SELENOF: variants seen among roughly 807,000 people sequenced by gnomAD.
SELENOF encodes 15 kDa selenoprotein.
Under a neutral mutation model 20.5 loss-of-function variants are expected in SELENOF, and 16 were observed. That is an observed-to-expected ratio of 0.78 (90% CI 0.53 to 1.19). SELENOF has a LOEUF of 1.19. Ranked by LOEUF, SELENOF falls within the 50% of genes most tolerant of loss-of-function variation. The pLI is 0.00. For synonymous variants in SELENOF, 78 were observed against 74.5 expected, an observed-to-expected ratio of 1.05 and a Z score of -0.24; for missense variants, 215 against 194.2, an observed-to-expected ratio of 1.11 and a Z score of -0.64.
chr1:86,913,757 T>G, intron 1 of SELENOF: 1 of 419,864 alleles, frequency 2.4e-6, no homozygotes, highest in Non-Finnish European at 4.4e-6. Flanking sequence ...CCACCTGGTG[T>G]GGTTTACAGA....
intron 3 of SELENOF, among the ~76,000 whole-genome samples, chr1:86,875,877 T>G (rs969931480): frequency 2.0e-5 from 3 of 152,222 alleles, no homozygotes; most frequent in Non-Finnish European, 4.4e-5. Flanking sequence ...ATATTCAGTG[T>G]GTGCAAACAC....
chr1:86,911,197 G>C (rs1659971077), intron 1 of SELENOF, among the ~76,000 whole-genome samples: 1 of 152,228 alleles, frequency 6.6e-6, no homozygotes, highest in Non-Finnish European at 1.5e-5. Flanking sequence ...AAACTTGAGG[G>C]ATAGCGAAGC....
intron 2 of SELENOF, among the ~76,000 whole-genome samples, chr1:86,902,051 T>G (rs1659716999): frequency 1.3e-5 from 2 of 152,190 alleles, no homozygotes; most frequent in African/African-American, 4.8e-5. Flanking sequence ...TACAGATTTA[T>G]TCAGCAATTT....
At chr1:86,906,432 G>T (rs988624579) in intron 1 of SELENOF, among the ~76,000 whole-genome samples, 20 of 152,234 alleles carry the variant, frequency 1.3e-4, no homozygotes, top group Non-Finnish European at 7.3e-5. Context: ...CCTCCACTGA[G>T]AAGTGGGGTC....
intron 2 of SELENOF, among the ~76,000 whole-genome samples, chr1:86,890,227 G>A (rs1159548326): frequency 6.6e-6 from 1 of 152,004 alleles, no homozygotes; most frequent in African/African-American, 2.4e-5. Flanking sequence ...CGAGAGAAAA[G>A]GCCTTCTCTC....
chr1:86,892,726 T>C (rs1370128460), intron 2 of SELENOF, among the ~76,000 whole-genome samples: 1 of 152,218 alleles, frequency 6.6e-6, no homozygotes, highest in Non-Finnish European at 1.5e-5. Context: ...TAAAATATTA[T>C]CTGGCTGGGC....
rs78778590 is a variant in SELENOF at position 86,872,173 on chromosome 1, C to T, written c.317-4071G>A. On this transcript the variant is annotated intron_variant, in intron 3 of 4. Coordinates refer to ENST00000331835, the MANE Select transcript of SELENOF (RefSeq NM_004261.5). ...GTTTAGTGAGTATTAACCACATAAACGCAAATATTTATTCCGTATTTTCCT... is the reference window on the plus strand; with the variant it reads ...GTTTAGTGAGTATTAACCACATAAATGCAAATATTTATTCCGTATTTTCCT... Among the ~76,000 whole-genome samples the T allele has an allele frequency of 8.8e-4, 134 of 152,158 alleles. 3 individuals carry two copies. In the East Asian group the frequency reaches 0.018, roughly 21 times the overall value.
intron 3 of SELENOF, among the ~76,000 whole-genome samples, chr1:86,873,061 A>G (rs1658823458): frequency 3.8e-5 from 3 of 79,012 alleles, no homozygotes; most frequent in Admixed American, 3.1e-4. Flanking sequence ...ATAAATAAAT[A>G]AATAAATAAA....
At chr1:86,876,474 G>C (rs554213) in intron 3 of SELENOF, among the ~76,000 whole-genome samples, 1 of 152,032 alleles carries the variant, frequency 6.6e-6, no homozygotes, top group South Asian at 2.1e-4. Flanking sequence ...TTATAGAATT[G>C]TACTCTGTAT....
Position 86,891,113 on chromosome 1 carries a change from G to C in SELENOF, c.253-10388C>G, listed in dbSNP as rs966783836. On this transcript the variant is annotated intron_variant, in intron 2 of 4. Coordinates refer to ENST00000331835, the MANE Select transcript of SELENOF (RefSeq NM_004261.5). ...TGCCCAGGCTGGAGTGCAATGGCAA[G>C]ATCTCAGCTCACTGCAACCTCTACC... is the stretch of plus-strand genomic sequence containing the variant. Among the ~76,000 whole-genome samples the C allele has an allele frequency of 6.7e-5, 10 of 149,440 alleles. No homozygotes were observed. In the South Asian group the frequency reaches 1.9e-3, roughly 28 times the overall value.
intron 3 of SELENOF, among the ~76,000 whole-genome samples, chr1:86,868,488 T>C (rs1405122657): frequency 6.6e-6 from 1 of 151,900 alleles, no homozygotes; most frequent in Non-Finnish European, 1.5e-5. Flanking sequence ...AAGAATAGAA[T>C]AGGAAATTAA....
chr1:86,910,000 A>G (rs1278452681), intron 1 of SELENOF, among the ~76,000 whole-genome samples: 1 of 152,252 alleles, frequency 6.6e-6, no homozygotes, highest in African/African-American at 2.4e-5. Flanking sequence ...AAAAAAAAGT[A>G]TGATGATACA....
At chr1:86,907,628 A>C (rs147093592) in intron 1 of SELENOF, among the ~76,000 whole-genome samples, 38 of 152,354 alleles carry the variant, frequency 2.5e-4, no homozygotes, top group African/African-American at 8.9e-4. Context: ...AAAGATTCTA[A>C]GGACAGGGTT....
At chr1:86,875,798 T>A (rs998427356) in intron 3 of SELENOF, among the ~76,000 whole-genome samples, 1 of 152,108 alleles carries the variant, frequency 6.6e-6, no homozygotes, top group African/African-American at 2.4e-5. Flanking sequence ...CCAAAAACAA[T>A]GCTGGAGCTA....
intron 2 of SELENOF, among the ~76,000 whole-genome samples, chr1:86,895,396 C>T (rs74889507): frequency 0.02 from 3,022 of 152,286 alleles, 107 homozygotes; most frequent in African/African-American, 0.061. Flanking sequence ...CTGCTGTCAT[C>T]GCCACCTGCA....
At chr1:86,873,882 C>T (rs1658854341) in intron 3 of SELENOF, among the ~76,000 whole-genome samples, 1 of 150,396 alleles carries the variant, frequency 6.6e-6, no homozygotes, top group African/African-American at 2.4e-5. Context: ...TTATTTAAAA[C>T]AGCCATGTTT....
rs1336536701 is a variant in SELENOF, at chr1:86,863,617, AGGGAC to A, written c.367-17_367-13del. 3 of 1,609,876 alleles carry A rather than the reference AGGGAC, an allele frequency of 1.9e-6. No individual in the cohort carries two copies. The South Asian group carries it at 3.3e-5, about 18-fold the overall frequency. On this transcript the variant is annotated splice_polypyrimidine_tract_variant and intron_variant, in intron 4 of 4. Coordinates refer to ENST00000331835, the MANE Select transcript of SELENOF (RefSeq NM_004261.5). ...GAACCACGGACATACTACAAAAAAGAGGGACGTCATCATTACTTTCTGTTCAGAAA... is the reference window on the plus strand; with the variant it reads ...GAACCACGGACATACTACAAAAAAGAGTCATCATTACTTTCTGTTCAGAAA...
intron 4 of SELENOF, among the ~76,000 whole-genome samples, chr1:86,866,255 T>TGAA (rs1190997273): frequency 2.7e-5 from 4 of 147,728 alleles, no homozygotes; most frequent in Non-Finnish European, 5.9e-5. Flanking sequence ...TGTGTGTGTG[T>TGAA]GTGTGTGTGT....
At chr1:86,887,880 T>C (rs1208382950) in intron 2 of SELENOF, among the ~76,000 whole-genome samples, 2 of 151,942 alleles carry the variant, frequency 1.3e-5, no homozygotes, top group Non-Finnish European at 2.9e-5. Flanking sequence ...TTAGGAAATA[T>C]CACATGATGA....
Sources: gnomAD v4.1 joint callset for allele counts (sites outside exome capture counted in the v4.1 genomes callset) on GRCh38, gnomAD v4.1.1 for gene constraint, MANE v1.5 for transcripts, NCBI Gene and HGNC (gene_info 2026-07-23, HGNC 2026-07-21) for gene names.